Variants in ULK4 observed in about 807,000 individuals in gnomAD.
The protein encoded by ULK4 is inactive serine/threonine-protein kinase ULK4.
Under a neutral mutation model 160.6 loss-of-function variants are expected in ULK4, and 133 were observed. That is an observed-to-expected ratio of 0.83 (90% confidence interval 0.72 to 0.96). The LOEUF (loss-of-function observed/expected upper bound fraction) is 0.96. ULK4 is among the 40% of genes least tolerant of loss of function. ULK4 has a pLI of 0.00. For missense variants in ULK4, 1,580 were observed against 1,499.5 expected, an observed-to-expected ratio of 1.05 and a Z score of -0.89; for synonymous variants, 534 against 539.8, an observed-to-expected ratio of 0.99 and a Z score of 0.15.
At chr3:41,555,992 C>T (rs2087282200) in intron 32 of ULK4, among the ~76,000 whole-genome samples, 1 of 152,096 alleles carries the variant, frequency 6.6e-6, no homozygotes, top group African/African-American at 2.4e-5. Flanking sequence ...TACTTGGACA[C>T]ATAGAAGAAA....
At chr3:41,671,816 C>G (rs925076911) in intron 29 of ULK4, among the ~76,000 whole-genome samples, 8 of 151,984 alleles carry the variant, frequency 5.3e-5, no homozygotes, top group Non-Finnish European at 1.2e-4. Context: ...TTGCAAACTA[C>G]ACAACCAAGA....
chr3:41,928,746 G>T (rs138186240), intron 5 of ULK4, among the ~76,000 whole-genome samples: 1 of 152,072 alleles, frequency 6.6e-6, no homozygotes, highest in African/African-American at 2.4e-5. Flanking sequence ...TCGAAGAAAT[G>T]GATAAATTCC....
chr3:41,737,201 G>C (rs1047961417), intron 22 of ULK4, among the ~76,000 whole-genome samples: 1 of 151,936 alleles, frequency 6.6e-6, no homozygotes, highest in African/African-American at 2.4e-5. Flanking sequence ...AAAATCACAA[G>C]CATTCTTATA....
intron 32 of ULK4, among the ~76,000 whole-genome samples, chr3:41,540,324 G>A (rs1433029558): frequency 6.6e-6 from 1 of 152,232 alleles, no homozygotes; most frequent in African/African-American, 2.4e-5. Context: ...TGCAGAGAAC[G>A]ATGGCATCCA....
intron 35 of ULK4, among the ~76,000 whole-genome samples, chr3:41,304,709 A>T (rs1242541868): frequency 6.6e-6 from 1 of 152,242 alleles, no homozygotes; most frequent in East Asian, 1.9e-4. Flanking sequence ...TGATACTGCA[A>T]CTATGACTGG....
intron 35 of ULK4, among the ~76,000 whole-genome samples, chr3:41,291,212 A>G (rs919058658): frequency 3.1e-4 from 47 of 151,792 alleles, no homozygotes; most frequent in African/African-American, 1.1e-3. Flanking sequence ...TTTCTTCACT[A>G]GACATTGCCT....
At chr3:41,694,944 CT>C (rs2036438918) in intron 27 of ULK4, among the ~76,000 whole-genome samples, 1 of 152,174 alleles carries the variant, frequency 6.6e-6, no homozygotes, top group Admixed American at 6.5e-5. Context: ...ACTCAGGCTG[CT>C]ATAACAAATG....
rs1456608942 is a variant in ULK4 at position 41,303,474 on chromosome 3, C to CA, written c.3679-53901dup. On this transcript the variant is annotated intron_variant, in intron 35 of 36. Transcript: ENST00000301831. ...TTATATTACAGCACATTAAGAATAA[C>CA]ATGCAGCTGTCTCTGCGAATTCAGT... Among the ~76,000 whole-genome samples, 5 of 152,334 alleles carry CA rather than the reference C, an allele frequency of 3.3e-5. No individual in the cohort carries two copies. The East Asian group carries it at 9.6e-4, about 29-fold the overall frequency.
At chr3:41,898,780 T>A (rs1287783150) in intron 13 of ULK4, among the ~76,000 whole-genome samples, 2 of 152,366 alleles carry the variant, frequency 1.3e-5, no homozygotes, top group Non-Finnish European at 2.9e-5. Context: ...AATTAGAAAT[T>A]CAGTCATTCA....
At chr3:41,482,781 C>A (rs1379426918) in intron 32 of ULK4, among the ~76,000 whole-genome samples, 1 of 152,154 alleles carries the variant, frequency 6.6e-6, no homozygotes, top group Non-Finnish European at 1.5e-5. Flanking sequence ...TCTCTGCAGA[C>A]AAGTACTTTC....
intron 35 of ULK4, among the ~76,000 whole-genome samples, chr3:41,389,766 C>T (rs960224675): frequency 5.3e-5 from 8 of 152,168 alleles, no homozygotes; most frequent in Admixed American, 2.6e-4. Flanking sequence ...CTGCTGGATT[C>T]GGTTTGCCAG....
chr3:41,369,421 G>A (rs1202314838), intron 35 of ULK4, among the ~76,000 whole-genome samples: 1 of 151,988 alleles, frequency 6.6e-6, no homozygotes, highest in Non-Finnish European at 1.5e-5. Flanking sequence ...CTGAGCTTGG[G>A]AGGTCAAGGC....
At chr3:41,377,734 T>C (rs199660717) in intron 35 of ULK4, among the ~76,000 whole-genome samples, 1 of 140,564 alleles carries the variant, frequency 7.1e-6, no homozygotes, top group East Asian at 2.1e-4. Flanking sequence ...ACAGGTGCTG[T>C]AGAGGATGTG....
intron 35 of ULK4, among the ~76,000 whole-genome samples, chr3:41,390,557 G>T (rs1172222784): frequency 6.6e-6 from 1 of 152,018 alleles, no homozygotes; most frequent in Non-Finnish European, 1.5e-5. Context: ...AGAGATTCTG[G>T]TATGTTGTGT....
intron 17 of ULK4, chr3:41,859,526 C>T: frequency 1.8e-6 from 1 of 545,540 alleles, no homozygotes; most frequent in East Asian, 5.1e-5. Flanking sequence ...AACCAAGGCA[C>T]CAAGAAGCCA....
chr3:41,304,960 C>T (rs1220015007), intron 35 of ULK4, among the ~76,000 whole-genome samples: 6 of 152,094 alleles, frequency 3.9e-5, no homozygotes, highest in Non-Finnish European at 1.5e-5. Context: ...TTGTTTCCTG[C>T]CAAGCATTAT....
chr3:41,380,072 A>G (rs13327260), intron 35 of ULK4, among the ~76,000 whole-genome samples: 18,421 of 152,124 alleles, frequency 0.12, 1,246 homozygotes, highest in Admixed American at 0.16. Context: ...ATTTCATAAA[A>G]TCAGCGCCAG....
intron 17 of ULK4, among the ~76,000 whole-genome samples, chr3:41,851,140 T>C (rs1159966085): frequency 1.3e-5 from 2 of 152,202 alleles, no homozygotes; most frequent in African/African-American, 2.4e-5. Context: ...AGAGAGGGCG[T>C]CCCTGTCTTG....
intron 35 of ULK4, among the ~76,000 whole-genome samples, chr3:41,267,837 C>T (rs140528783): frequency 2.6e-5 from 4 of 152,262 alleles, no homozygotes; most frequent in South Asian, 2.1e-4. Flanking sequence ...TTCCTGACTT[C>T]GAATCCTTGA....
Sources: allele counts gnomAD v4.1 joint callset (sites outside exome capture counted in the v4.1 genomes callset), GRCh38; gene constraint gnomAD v4.1.1; transcripts MANE v1.5; gene names NCBI Gene and HGNC (gene_info 2026-07-23, HGNC 2026-07-21).